Variants in CHST8 observed in about 807,000 individuals in gnomAD.
The protein encoded by CHST8 is carbohydrate sulfotransferase 8, also known as GALNAC-4-ST1.
Under a neutral mutation model 15.0 loss-of-function variants are expected in CHST8, and 10 were observed. The ratio of observed to expected loss-of-function variants is 0.67; its 90% confidence interval spans 0.41 to 1.13. CHST8 has a LOEUF of 1.13. Ranked by LOEUF, CHST8 falls within the 50% of genes most tolerant of loss-of-function variation. The pLI, the probability that CHST8 is intolerant of heterozygous loss-of-function variation, is 0.00. For missense variants in CHST8, 634 were observed against 608.2 expected (o/e 1.04, Z -0.45); for synonymous variants, 259 against 256.6 (o/e 1.01, Z -0.09).
chr19:33,630,759 A>G (rs1049219559), intron 1 of CHST8, among the ~76,000 whole-genome samples: 3 of 150,984 alleles, frequency 2.0e-5, no homozygotes, highest in Non-Finnish European at 3.0e-5. Context: ...CAGGCAGTCT[A>G]TCTACACTGG....
At chr19:33,743,296 CTTTTTTTTTTT>C (rs916165328) in intron 3 of CHST8, among the ~76,000 whole-genome samples, 42 of 98,240 alleles carry the variant, frequency 4.3e-4, no homozygotes, top group African/African-American at 1.7e-3. Flanking sequence ...CACAGCAATT[CTTTTTTTTTTT>C]TTTTTTTTTT....
At chr19:33,655,398 T>C (rs1479618531) in intron 1 of CHST8, among the ~76,000 whole-genome samples, 1 of 152,190 alleles carries the variant, frequency 6.6e-6, no homozygotes, top group Non-Finnish European at 1.5e-5. Context: ...TAGTCTGTGA[T>C]TTTATTTTTG....
intron 1 of CHST8, among the ~76,000 whole-genome samples, chr19:33,635,604 A>G (rs907808832): frequency 3.9e-5 from 6 of 152,060 alleles, no homozygotes; most frequent in Non-Finnish European, 8.8e-5. Context: ...GGCCTCAAAG[A>G]TGGGTGGGGG....
intron 1 of CHST8, among the ~76,000 whole-genome samples, chr19:33,623,509 G>C (rs769151847): frequency 4.6e-5 from 7 of 152,180 alleles, no homozygotes; most frequent in South Asian, 4.1e-4. Flanking sequence ...GGGGACAGAG[G>C]GGTAAGAGGC....
intron 1 of CHST8, among the ~76,000 whole-genome samples, chr19:33,648,940 G>GCACTTTTTTTT (rs1972395289): frequency 1.0e-5 from 1 of 96,926 alleles, no homozygotes; most frequent in African/African-American, 4.0e-5. Context: ...GTCTCGCTTT[G>GCACTTTTTTTT]TCATCCAGGC....
At chr19:33,678,016 C>T (rs555800162) in intron 2 of CHST8, among the ~76,000 whole-genome samples, 16 of 152,230 alleles carry the variant, frequency 1.1e-4, no homozygotes, top group African/African-American at 3.6e-4. Flanking sequence ...GAATCAGAGC[C>T]GCACCGAGGG....
In CHST8 at chr19:33,771,451, G is replaced by A. The variant is rs376789824; in HGVS notation, c.168+1G>A. The A allele has an allele frequency of 8.1e-6, 13 of 1,613,908 alleles. No homozygotes were observed. The highest frequency in any genetic ancestry group is 5.3e-5 in the African/African-American group (4 of 74,922). ...CATCAGGCCAAGGCAGCCCCACCAC[G>A]TAAGTTCTGAGAGTCAGATAAATCT... On this transcript the variant is annotated splice_donor_variant, in intron 4 of 4. Coordinates refer to ENST00000650847, the MANE Select transcript of CHST8 (RefSeq NM_001127895.2). LOFTEE classifies it high-confidence loss of function.
chr19:33,764,065 G>C (rs1340692027), intron 3 of CHST8, among the ~76,000 whole-genome samples: 2 of 152,176 alleles, frequency 1.3e-5, no homozygotes, highest in Non-Finnish European at 2.9e-5. Context: ...CAGATGCGTG[G>C]GCCCTTCCCA....
At chr19:33,678,783 A>G (rs867645785) in intron 2 of CHST8, among the ~76,000 whole-genome samples, 133 of 152,278 alleles carry the variant, frequency 8.7e-4, no homozygotes, top group Middle Eastern at 3.4e-3. Context: ...TACCCTTTGG[A>G]AGCCAGCCTC....
chr19:33,751,866 G>A (rs1207656799), intron 3 of CHST8, among the ~76,000 whole-genome samples: 1 of 152,182 alleles, frequency 6.6e-6, no homozygotes, highest in Non-Finnish European at 1.5e-5. Context: ...CCCTCAGCAT[G>A]GGGCCTGCGG....
At chr19:33,634,705 T>C (rs1243525748) in intron 1 of CHST8, among the ~76,000 whole-genome samples, 1 of 132,616 alleles carries the variant, frequency 7.5e-6, no homozygotes, top group East Asian at 2.3e-4. Flanking sequence ...AAAAAAAGCA[T>C]GGATGCTGCC....
rs57718433 is a variant in CHST8, at chr19:33,695,821, C to CTTTCTTTCTTTCTTTCTTTT, written c.130+6433_130+6434insCTTTCTTTCTTTCTTTTTTT. 8.1e-3 allele frequency among the ~76,000 whole-genome samples: 615 copies of CTTTCTTTCTTTCTTTCTTTT among 76,190 alleles called. 3 individuals carry two copies. The highest frequency in any genetic ancestry group is 0.013 in the Non-Finnish European group (505 of 39,792). 50.0% of individuals were successfully genotyped at this position (76,190 alleles called of 152,430 possible). ...TTTCTTTTTCTTTCTTTCTTTCTTT[C>CTTTCTTTCTTTCTTTCTTTT]TTTTTTTTTTTTTTTTTTTTTGAGA... On this transcript the variant is annotated intron_variant, in intron 3 of 4. Transcript: ENST00000650847.
intron 3 of CHST8, among the ~76,000 whole-genome samples, chr19:33,715,724 C>A (rs894983283): frequency 6.6e-6 from 1 of 152,224 alleles, no homozygotes; most frequent in Non-Finnish European, 1.5e-5. Flanking sequence ...AGCTTACGAT[C>A]ATGTCCAACC....
At chr19:33,743,796 CTT>C (rs35370834) in intron 3 of CHST8, among the ~76,000 whole-genome samples, 74 of 140,506 alleles carry the variant, frequency 5.3e-4, no homozygotes, top group Admixed American at 6.3e-4. Flanking sequence ...TTCTTTTTTT[CTT>C]TTTTTTTTTT....
At position 33,771,437 on chromosome 19, in the gene CHST8, G is replaced by A. The variant is rs771847472; in HGVS notation, c.155G>A (p.Arg52Lys). The A allele has an allele frequency of 6.1e-5, 99 of 1,614,028 alleles. No individual in the cohort carries two copies. The highest frequency in any genetic ancestry group is 8.2e-5 in the Non-Finnish European group (97 of 1,180,024). ...GGAATAAAGTTCAACATCAGGCCAA[G>A]GCAGCCCCACCACGTAAGTTCTGAG... ...VPGIKFNIRP[R>K]QPHHDLPPGG... is the part of the protein sequence containing the mutation. Residue 52 changes from arginine to lysine, a missense_variant, in exon 4 of 5, where the codon AGG becomes AAG. Arg to Lys is a conservative substitution (Grantham distance 26, BLOSUM62 2). Transcript: ENST00000650847.
chr19:33,658,117 A>G (rs746423761), intron 1 of CHST8, among the ~76,000 whole-genome samples: 4 of 152,142 alleles, frequency 2.6e-5, no homozygotes, highest in Admixed American at 1.3e-4. Flanking sequence ...AGATGGGTGG[A>G]TCACCTGAGG....
At chr19:33,626,838 G>A (rs903188445) in intron 1 of CHST8, among the ~76,000 whole-genome samples, 4 of 149,858 alleles carry the variant, frequency 2.7e-5, no homozygotes, top group Non-Finnish European at 4.4e-5. Flanking sequence ...GCCCAGGCTG[G>A]AGTACAGTGG....
At chr19:33,666,138 A>G (rs1972657446) in intron 1 of CHST8, among the ~76,000 whole-genome samples, 1 of 152,192 alleles carries the variant, frequency 6.6e-6, no homozygotes, top group Admixed American at 6.5e-5. Context: ...AGGCCACGCT[A>G]ATTAGTCACG....
At position 33,624,683 on chromosome 19, in the gene CHST8, T is replaced by C. The variant is rs1292720777; in HGVS notation, c.-164+2387T>C. On this transcript the variant is annotated intron_variant, in intron 1 of 4. Transcript: ENST00000650847. ...AAAGGGGAGAGTCAGATTTGCCTGA[T>C]TGGAAACCTCGCGCAGGCTGCTCCC... Among the ~76,000 whole-genome samples the C allele has an allele frequency of 3.0e-4, 46 of 152,182 alleles. 1 individual carries two copies. Among genetic ancestry groups the C allele is most frequent in the Admixed American group, 3.0e-3 (46 of 15,280 alleles).
Sources: gnomAD v4.1 joint callset for allele counts (sites outside exome capture counted in the v4.1 genomes callset) on GRCh38, gnomAD v4.1.1 for gene constraint, MANE v1.5 for transcripts, NCBI Gene and HGNC (gene_info 2026-07-23, HGNC 2026-07-21) for gene names.